The following DCDC2 variants were observed in gnomAD, a reference collection of about 807,000 sequenced individuals.
DCDC2 encodes the protein doublecortin domain containing 2.
A neutral mutation model predicts 50.2 loss-of-function variants in DCDC2; 40 were observed. The observed-to-expected ratio is 0.80, with a 90% CI of 0.62 to 1.04. DCDC2 has a LOEUF of 1.04. Ranked by LOEUF, DCDC2 falls within the 50% of genes least tolerant of loss-of-function variation. The probability of loss-of-function intolerance (pLI) is 0.00; values close to 1 mark genes in which losing one functional copy is unlikely to be tolerated. For synonymous variants in DCDC2, 234 were observed against 210.6 expected (o/e 1.11, Z -0.96); for missense variants, 570 against 581.9 (o/e 0.98, Z 0.21).
chr6:24,321,400 C>T (rs533392939), intron 2 of DCDC2, among the ~76,000 whole-genome samples: 2 of 152,230 alleles, frequency 1.3e-5, no homozygotes, highest in African/African-American at 4.8e-5. Context: ...AGTGGGGAAA[C>T]CTGGCAGACA....
chr6:24,297,133 TA>T (rs143481239), intron 4 of DCDC2, among the ~76,000 whole-genome samples: 1 of 152,000 alleles, frequency 6.6e-6, no homozygotes, highest in Non-Finnish European at 1.5e-5. Flanking sequence ...TATGCAGCCA[TA>T]AAAAAGGGTC....
chr6:24,280,366 G>A (rs1266164195), intron 6 of DCDC2, among the ~76,000 whole-genome samples: 1 of 151,374 alleles, frequency 6.6e-6, no homozygotes, highest in African/African-American at 2.4e-5. Context: ...CTGCAACCAG[G>A]GGTTTTTTTT....
chr6:24,306,494 TTAGATAGA>T (rs28987368), intron 2 of DCDC2, among the ~76,000 whole-genome samples: 7,277 of 129,286 alleles, frequency 0.056, 241 homozygotes, highest in Middle Eastern at 0.064. Flanking sequence ...TGAGTGGAGA[TTAGATAGA>T]TAGATAGATA....
intron 5 of DCDC2, among the ~76,000 whole-genome samples, chr6:24,289,529 C>T (rs1428107842): frequency 6.6e-6 from 1 of 152,128 alleles, no homozygotes; most frequent in Non-Finnish European, 1.5e-5. Flanking sequence ...TGAGAAAGGC[C>T]AACGTGAGTT....
intron 7 of DCDC2, among the ~76,000 whole-genome samples, chr6:24,247,379 G>T (rs1218391512): frequency 6.6e-6 from 1 of 151,854 alleles, no homozygotes; most frequent in African/African-American, 2.4e-5. Context: ...TAACTTGGGG[G>T]AAGACTTAAT....
Position 24,353,602 on chromosome 6 carries a change from G to T in DCDC2, c.315C>A (p.Ile105=). The T allele has an allele frequency of 6.3e-7, 1 of 1,594,082 alleles. No individual in the cohort carries two copies. The highest frequency in any genetic ancestry group is 1.1e-5 in the South Asian group (1 of 88,250). ...TAACAACTTCCATTGGTCTTTTCTT[G>T]ATTTCTCCTATGTCCAAGTAACTGA... ...KKLNYLDIGE[I]KKRPMEVVNT... Residue 105 remains isoleucine, a synonymous_variant, in exon 2 of 10, where the codon ATC becomes ATA. Transcript: ENST00000378454.
intron 8 of DCDC2, among the ~76,000 whole-genome samples, chr6:24,187,783 T>A (rs1398308898): frequency 6.6e-6 from 1 of 152,160 alleles, no homozygotes; most frequent in East Asian, 1.9e-4. Context: ...ATGATAAGGC[T>A]CACACTTATC....
chr6:24,257,517 C>T (rs28993077), intron 7 of DCDC2, among the ~76,000 whole-genome samples: 17,292 of 152,168 alleles, frequency 0.11, 1,092 homozygotes, highest in Middle Eastern at 0.16. Context: ...AAAGAAAAAG[C>T]TCAACTCTGG....
intron 8 of DCDC2, among the ~76,000 whole-genome samples, chr6:24,180,801 C>G (rs974445512): frequency 2.0e-5 from 3 of 151,802 alleles, no homozygotes; most frequent in Non-Finnish European, 4.4e-5. Context: ...TTTGTCATTA[C>G]AAAAGTTAAC....
In DCDC2 at chr6:24,234,230, T is replaced by TA. The variant is rs5874971; in HGVS notation, c.923-29129dup. On this transcript the variant is annotated intron_variant, in intron 7 of 9. Transcript: ENST00000378454. ...GGAAGGAGAATTTTAAAGGAGACCATAAAAAAAAAAAAAATCGCACGGGGC... is the reference window on the plus strand; with the variant it reads ...GGAAGGAGAATTTTAAAGGAGACCATAAAAAAAAAAAAAAATCGCACGGGGC... 3.4e-3 allele frequency among the ~76,000 whole-genome samples: 479 copies of TA among 141,322 alleles called. 1 individual carries two copies. The highest frequency in any genetic ancestry group is 6.9e-3 in the African/African-American group (250 of 36,242). The allele number at this position is 141,322 out of a possible 152,430, so 92.7% of individuals were successfully genotyped here.
At chr6:24,225,661 T>C (rs1762218006) in intron 7 of DCDC2, among the ~76,000 whole-genome samples, 1 of 151,986 alleles carries the variant, frequency 6.6e-6, no homozygotes, top group South Asian at 2.1e-4. Context: ...ATGATTTACT[T>C]ACATTTTATA....
At chr6:24,316,396 G>A (rs1218837934) in intron 2 of DCDC2, among the ~76,000 whole-genome samples, 1 of 152,132 alleles carries the variant, frequency 6.6e-6, no homozygotes. Flanking sequence ...GCAATGGTAA[G>A]GGGTAAACCA....
chr6:24,368,816 T>C, the DCDC2 span, among the ~76,000 whole-genome samples: 3 of 152,272 alleles, frequency 2.0e-5, no homozygotes, highest in Admixed American at 2.0e-4. Context: ...GATTGTGGAA[T>C]GTATGATTCA....
chr6:24,377,287 T>G, the DCDC2 span, among the ~76,000 whole-genome samples: 1 of 152,340 alleles, frequency 6.6e-6, no homozygotes, highest in Non-Finnish European at 1.5e-5. Context: ...TTTTCAGGAC[T>G]TTTTTCAGTT....
intron 2 of DCDC2, among the ~76,000 whole-genome samples, chr6:24,319,344 C>G (rs1037646973): frequency 6.6e-6 from 1 of 151,656 alleles, no homozygotes; most frequent in Non-Finnish European, 1.5e-5. Flanking sequence ...ATATCAGTCC[C>G]CTGTGGGATG....
At chr6:24,227,192 T>C (rs1322878733) in intron 7 of DCDC2, among the ~76,000 whole-genome samples, 1 of 152,198 alleles carries the variant, frequency 6.6e-6, no homozygotes, top group Non-Finnish European at 1.5e-5. Context: ...CTGAGTTAAT[T>C]AGGCATTAAA....
intron 7 of DCDC2, among the ~76,000 whole-genome samples, chr6:24,211,350 T>C (rs1761865303): frequency 6.6e-6 from 1 of 152,122 alleles, no homozygotes; most frequent in Non-Finnish European, 1.5e-5. Flanking sequence ...GAAGACAGAT[T>C]GAGGTACAAC....
At chr6:24,215,759 C>A (rs1251277319) in intron 7 of DCDC2, among the ~76,000 whole-genome samples, 3 of 152,302 alleles carry the variant, frequency 2.0e-5, no homozygotes, top group Admixed American at 1.3e-4. Context: ...GCATCAGCAC[C>A]ACTCCCGGCT....
chr6:24,174,368 T>A lies in DCDC2; in HGVS notation c.*362A>T, dbSNP rs920572620. ...ACCAGTTCTTTAAAATTCTACGCCT[T>A]CCTAGAGAAAAATTATTTAGAATAA... On this transcript the variant is annotated 3_prime_UTR_variant, in exon 10 of 10. Coordinates refer to ENST00000378454, the MANE Select transcript of DCDC2 (RefSeq NM_016356.5). The A allele has an allele frequency of 2.5e-5, 4 of 157,908 alleles. No individual in the cohort carries two copies. Among genetic ancestry groups the A allele is most frequent in the Middle Eastern group, 3.0e-3 (1 of 328 alleles). 9.8% of individuals were successfully genotyped at this position (157,908 alleles called of 1,614,324 possible). A position where few individuals can be genotyped will look rare whatever the true frequency, so the allele number is the denominator to read the frequency against.
Sources: allele counts gnomAD v4.1 joint callset (sites outside exome capture counted in the v4.1 genomes callset), GRCh38; gene constraint gnomAD v4.1.1; transcripts MANE v1.5; gene names NCBI Gene and HGNC (gene_info 2026-07-23, HGNC 2026-07-21).